FZD6: variants seen among roughly 807,000 people sequenced by gnomAD.
FZD6 encodes frizzled-6.
Under a neutral mutation model 61.4 loss-of-function variants are expected in FZD6, and 49 were observed. That is an observed-to-expected ratio of 0.80 (90% CI 0.63 to 1.01). FZD6 has a LOEUF of 1.01. Among genes scored for constraint, FZD6 ranks in the 50% least tolerant of loss-of-function variants. The pLI, the probability that FZD6 is intolerant of heterozygous loss-of-function variation, is 0.00. For missense variants in FZD6, 724 were observed against 848.2 expected (o/e 0.85, Z 1.82); for synonymous variants, 265 against 292.2 (o/e 0.91, Z 0.95).
intron 2 of FZD6, among the ~76,000 whole-genome samples, chr8:103,316,180 A>G (rs1157936054): frequency 6.6e-6 from 1 of 152,190 alleles, no homozygotes; most frequent in Non-Finnish European, 1.5e-5. Flanking sequence ...CCTCCCAACA[A>G]TTAACACAGT....
At chr8:103,302,090 G>C (rs1814188876) in intron 2 of FZD6, among the ~76,000 whole-genome samples, 1 of 151,748 alleles carries the variant, frequency 6.6e-6, no homozygotes, top group African/African-American at 2.4e-5. Flanking sequence ...TACAAAAGAA[G>C]AGAGCCATCA....
intron 3 of FZD6, among the ~76,000 whole-genome samples, chr8:103,321,911 TTC>T (rs1477328150): frequency 6.6e-6 from 1 of 152,194 alleles, no homozygotes; most frequent in Non-Finnish European, 1.5e-5. Flanking sequence ...GAATCTAATT[TTC>T]TGTTATACTT....
chr8:103,322,269 C>T (rs1814810978), intron 3 of FZD6, among the ~76,000 whole-genome samples: 1 of 151,088 alleles, frequency 6.6e-6, no homozygotes, highest in African/African-American at 2.4e-5. Flanking sequence ...CAGCATAAGC[C>T]AGGCATGGTG....
chr8:103,304,808 C>T (rs181599588), intron 2 of FZD6, among the ~76,000 whole-genome samples: 10 of 152,304 alleles, frequency 6.6e-5, no homozygotes, highest in Admixed American at 6.5e-4. Context: ...TATGTTAATA[C>T]ATTAACTGAG....
At chr8:103,310,851 C>T (rs1243554327) in intron 2 of FZD6, among the ~76,000 whole-genome samples, 1 of 152,170 alleles carries the variant, frequency 6.6e-6, no homozygotes, top group Non-Finnish European at 1.5e-5. Flanking sequence ...GCCAGATTTC[C>T]ATCTTTAAAT....
intron 3 of FZD6, among the ~76,000 whole-genome samples, chr8:103,320,811 GA>G (rs959199121): frequency 6.6e-6 from 1 of 152,094 alleles, no homozygotes; most frequent in African/African-American, 2.4e-5. Flanking sequence ...CCAGAGTGTG[GA>G]TAGCTTATTC....
intron 2 of FZD6, among the ~76,000 whole-genome samples, chr8:103,311,478 C>T (rs1465020566): frequency 6.6e-6 from 1 of 152,004 alleles, no homozygotes; most frequent in Non-Finnish European, 1.5e-5. Context: ...TGGTTCATAC[C>T]TGTAATCCCA....
intron 2 of FZD6, among the ~76,000 whole-genome samples, chr8:103,313,398 C>G (rs1041642882): frequency 3.3e-5 from 5 of 152,096 alleles, no homozygotes; most frequent in African/African-American, 1.2e-4. Context: ...CTCACTTGAT[C>G]CAAGGGCTTA....
Position 103,331,608 on chromosome 8 carries a change from C to A in FZD6, c.*99C>A. ...ATCACTGTTACATTCTTCTTTTGCA[C>A]TTAAAGTTGCATTGCCTACTGTTAT... On this transcript the variant is annotated 3_prime_UTR_variant, in exon 7 of 7. Transcript: ENST00000358755. 1 of 826,268 alleles carries A rather than the reference C, an allele frequency of 1.2e-6. No homozygotes were observed. The highest frequency in any genetic ancestry group is 2.1e-6 in the Non-Finnish European group (1 of 486,800). The allele number at this position is 826,268 out of a possible 1,614,324, so 51.2% of individuals were successfully genotyped here.
intron 2 of FZD6, among the ~76,000 whole-genome samples, chr8:103,304,439 G>A (rs1381797606): frequency 6.6e-6 from 1 of 152,204 alleles, no homozygotes; most frequent in Non-Finnish European, 1.5e-5. Context: ...CTCTGAAGAT[G>A]GAGCGCAGCT....
intron 3 of FZD6, among the ~76,000 whole-genome samples, chr8:103,323,245 A>G (rs1814844598): frequency 6.6e-6 from 1 of 152,190 alleles, no homozygotes; most frequent in Non-Finnish European, 1.5e-5. Flanking sequence ...AACTAAGACC[A>G]GAAAGGGTCC....
At chr8:103,329,450 C>A (rs1815056567) in intron 5 of FZD6, among the ~76,000 whole-genome samples, 1 of 152,004 alleles carries the variant, frequency 6.6e-6, no homozygotes, top group Non-Finnish European at 1.5e-5. Context: ...CTGACAAAAG[C>A]AACTTAGAGT....
At chr8:103,330,915 C>T (rs1488575267) in intron 6 of FZD6, among the ~76,000 whole-genome samples, 4 of 152,268 alleles carry the variant, frequency 2.6e-5, no homozygotes, top group East Asian at 1.9e-4. Context: ...CGGTGGCTCA[C>T]GCCTGTAATC....
intron 2 of FZD6, among the ~76,000 whole-genome samples, chr8:103,314,319 A>C (rs554601844): frequency 2.6e-5 from 4 of 152,174 alleles, no homozygotes; most frequent in African/African-American, 9.7e-5. Context: ...CCACCAAAGG[A>C]TCTGATTACC....
At position 103,300,059 on chromosome 8, in the gene FZD6, A is replaced by G; in HGVS notation, c.-49A>G. 1 of 1,088,104 alleles carries G rather than the reference A, an allele frequency of 9.2e-7. No individual in the cohort carries two copies. The allele number at this position is 1,088,104 out of a possible 1,614,324, so 67.4% of individuals were successfully genotyped here. A position where few individuals can be genotyped will look rare whatever the true frequency, so the allele number is the denominator to read the frequency against. On this transcript the variant is annotated 5_prime_UTR_variant, in exon 2 of 7. Transcript: ENST00000358755. ...TTGGATGGGGATCTTCTGAGGATGCAAAGAGTGATTCATCCAAGCCATGTG... is the reference window on the plus strand; with the variant it reads ...TTGGATGGGGATCTTCTGAGGATGCGAAGAGTGATTCATCCAAGCCATGTG...
intron 5 of FZD6, among the ~76,000 whole-genome samples, chr8:103,329,185 T>G (rs1815051213): frequency 2.0e-5 from 3 of 151,110 alleles, no homozygotes; most frequent in Admixed American, 2.0e-4. Flanking sequence ...TATTATTATA[T>G]GTCTATCTCA....
At chr8:103,326,857 G>C (rs938314724) in intron 4 of FZD6, among the ~76,000 whole-genome samples, 2 of 151,984 alleles carry the variant, frequency 1.3e-5, no homozygotes, top group African/African-American at 2.4e-5. Context: ...AATGAGAAAA[G>C]AGTAGGAAAA....
At chr8:103,328,596 C>T (rs1478074417) in intron 5 of FZD6, among the ~76,000 whole-genome samples, 180 bp downstream of exon 5, 1 of 151,520 alleles carries the variant, frequency 6.6e-6, no homozygotes, top group Non-Finnish European at 1.5e-5. Context: ...GCATTTGTTA[C>T]AATAGTCTTT....
intron 6 of FZD6, 25 bp downstream of exon 6, chr8:103,330,090 C>T: frequency 6.3e-7 from 1 of 1,589,878 alleles, no homozygotes; most frequent in Non-Finnish European, 8.6e-7. Context: ...TATGTAAAAT[C>T]ATCACTATTT....
Sources: gnomAD v4.1 joint callset for allele counts (sites outside exome capture counted in the v4.1 genomes callset) on GRCh38, gnomAD v4.1.1 for gene constraint, MANE v1.5 for transcripts, NCBI Gene and HGNC (gene_info 2026-07-23, HGNC 2026-07-21) for gene names.